FKTN: variants seen among roughly 807,000 people sequenced by gnomAD.
The protein encoded by FKTN is ribitol-5-phosphate transferase FKTN.
In FKTN, 47 loss-of-function variants were observed where a neutral mutation model predicts 58.6. The ratio of observed to expected loss-of-function variants is 0.80; its 90% confidence interval spans 0.63 to 1.02. The LOEUF is 1.02. Among genes scored for constraint, FKTN ranks in the 50% least tolerant of loss-of-function variants. The pLI, the probability that FKTN is intolerant of heterozygous loss-of-function variation, is 0.00. For synonymous variants in FKTN, 178 were observed against 191.9 expected (o/e 0.93, Z 0.60); for missense variants, 516 against 537.3 (o/e 0.96, Z 0.39).
chr9:105,610,448 T>C (rs185005089), intron 7 of FKTN, among the ~76,000 whole-genome samples: 14 of 152,186 alleles, frequency 9.2e-5, no homozygotes, highest in African/African-American at 3.1e-4. Context: ...GACTCCCTTT[T>C]CAAATCGTGA....
At chr9:105,584,943 T>C (rs990092953) in intron 3 of FKTN, among the ~76,000 whole-genome samples, 1 of 152,172 alleles carries the variant, frequency 6.6e-6, no homozygotes, top group South Asian at 2.1e-4. Context: ...AAAGTCACAA[T>C]TTGTAGAGTA....
intron 9 of FKTN, 140 bp downstream of exon 9, chr9:105,618,232 C>G: frequency 1.3e-6 from 1 of 773,468 alleles, no homozygotes; most frequent in Non-Finnish European, 2.2e-6. Context: ...TCAGCAGAAG[C>G]CTGTTACCAC....
intron 9 of FKTN, among the ~76,000 whole-genome samples, chr9:105,619,374 C>T (rs947169578): frequency 3.9e-5 from 6 of 152,172 alleles, no homozygotes; most frequent in Admixed American, 2.6e-4. Flanking sequence ...CCAATGGGAA[C>T]GTAATTATTT....
At chr9:105,590,961 G>C (rs1844762372) in intron 3 of FKTN, among the ~76,000 whole-genome samples, 1 of 152,126 alleles carries the variant, frequency 6.6e-6, no homozygotes, top group Non-Finnish European at 1.5e-5. Context: ...GAGGAAAAGA[G>C]AGAGTGGGGA....
intron 10 of FKTN, among the ~76,000 whole-genome samples, chr9:105,623,991 T>C (rs559492397): frequency 6.6e-6 from 1 of 152,334 alleles, no homozygotes; most frequent in South Asian, 2.1e-4. Flanking sequence ...AAAAATTCTG[T>C]GGGCATCTGT....
intron 7 of FKTN, among the ~76,000 whole-genome samples, chr9:105,614,500 G>C (rs913419120): frequency 3.3e-5 from 5 of 152,140 alleles, no homozygotes; most frequent in Non-Finnish European, 7.4e-5. Context: ...AAGCTAAAAA[G>C]AAGTGCACTA....
chr9:105,604,119 A>G, intron 5 of FKTN, 96 bp from the exon 6 acceptor site: 2 of 1,285,314 alleles, frequency 1.6e-6, no homozygotes, highest in South Asian at 1.2e-5. Context: ...CTCAAGTTCA[A>G]TATAAGAATC....
chr9:105,622,799 GTAT>G (rs1200933227), intron 10 of FKTN, among the ~76,000 whole-genome samples: 8 of 151,952 alleles, frequency 5.3e-5, no homozygotes, highest in Non-Finnish European at 1.2e-4. Flanking sequence ...TGTCAGTACT[GTAT>G]TATTATTATT....
At chr9:105,569,127 C>T (rs967002318) in intron 1 of FKTN, among the ~76,000 whole-genome samples, 9 of 151,882 alleles carry the variant, frequency 5.9e-5, no homozygotes, top group Non-Finnish European at 7.4e-5. Context: ...CATCACACAC[C>T]GGGGCCTGTT....
chr9:105,614,261 A>C (rs1830431068), intron 7 of FKTN, among the ~76,000 whole-genome samples: 1 of 152,180 alleles, frequency 6.6e-6, no homozygotes, highest in Non-Finnish European at 1.5e-5. Context: ...GATATATATG[A>C]CCTGACAATT....
chr9:105,586,981 A>G (rs1173951834), intron 3 of FKTN, among the ~76,000 whole-genome samples: 1 of 152,212 alleles, frequency 6.6e-6, no homozygotes, highest in Non-Finnish European at 1.5e-5. Context: ...TCATACAGCT[A>G]TTCCAACATG....
At chr9:105,632,511 G>A (rs918998183) in intron 10 of FKTN, among the ~76,000 whole-genome samples, 1 of 151,624 alleles carries the variant, frequency 6.6e-6, no homozygotes, top group Non-Finnish European at 1.5e-5. Flanking sequence ...ATCTCTCTGA[G>A]CCTAGTAATA....
rs556005250 is a variant in FKTN at position 105,640,580 on chromosome 9, A to G, written c.*5316A>G. The G allele has an allele frequency of 6.5e-6, 1 of 152,870 alleles. No homozygotes were observed. Among genetic ancestry groups the G allele is most frequent in the Admixed American group, 6.5e-5 (1 of 15,308 alleles). 9.5% of individuals were successfully genotyped at this position (152,870 alleles called of 1,614,324 possible). A position where few individuals can be genotyped will look rare whatever the true frequency, so the allele number is the denominator to read the frequency against. On this transcript the variant is annotated 3_prime_UTR_variant, in exon 11 of 11. Transcript: ENST00000357998. Reference sequence around the variant, plus strand: ...AAAAAAAAAAAAAGGAAAGAAAGAAATCTCTGCTTCCGTACTATCAAAACT... The same window carrying G: ...AAAAAAAAAAAAAGGAAAGAAAGAAGTCTCTGCTTCCGTACTATCAAAACT...
intron 3 of FKTN, among the ~76,000 whole-genome samples, chr9:105,595,949 C>T (rs1358191536): frequency 6.6e-6 from 1 of 152,190 alleles, no homozygotes; most frequent in African/African-American, 2.4e-5. Flanking sequence ...TCTCCTCTTA[C>T]TCTAAAGTAT....
chr9:105,633,803 T>C (rs569528770), intron 10 of FKTN, among the ~76,000 whole-genome samples: 1 of 152,324 alleles, frequency 6.6e-6, no homozygotes, highest in South Asian at 2.1e-4. Context: ...GCAGAATATA[T>C]GAGAACTGAC....
chr9:105,608,078 T>G (rs1488844317), intron 7 of FKTN, 127 bp downstream of exon 7: 12 of 749,164 alleles, frequency 1.6e-5, no homozygotes, highest in Non-Finnish European at 2.7e-5. Context: ...TTGATATGTC[T>G]CTTTTCTTCT....
chr9:105,568,227 C>T (rs1247660285), intron 1 of FKTN, among the ~76,000 whole-genome samples: 3 of 152,140 alleles, frequency 2.0e-5, no homozygotes, highest in Non-Finnish European at 4.4e-5. Context: ...AGGACATAGG[C>T]ATGGGCAAGG....
intron 4 of FKTN, among the ~76,000 whole-genome samples, chr9:105,597,617 G>T (rs1827049075): frequency 6.6e-6 from 1 of 152,056 alleles, no homozygotes; most frequent in Non-Finnish European, 1.5e-5. Flanking sequence ...ATGCTTCTCT[G>T]TAACACTTCT....
At position 105,635,335 on chromosome 9, in the gene FKTN, C is replaced by T. The variant is rs747766931; in HGVS notation, c.*71C>T. 2.8e-4 allele frequency: 446 copies of T among 1,604,684 alleles called. 1 individual carries two copies. Among genetic ancestry groups the T allele is most frequent in the Non-Finnish European group, 3.6e-4 (426 of 1,175,618 alleles). On this transcript the variant is annotated 3_prime_UTR_variant, in exon 11 of 11. Coordinates refer to ENST00000357998, the MANE Select transcript of FKTN (RefSeq NM_001079802.2). The stretch of plus-strand genomic sequence containing the variant: ...AGATAACTGTTTAAAAAATACATGT[C>T]TATTTGTCAAACATAAGTGGGAACC...
Sources: allele counts gnomAD v4.1 joint callset (sites outside exome capture counted in the v4.1 genomes callset), GRCh38; gene constraint gnomAD v4.1.1; transcripts MANE v1.5; gene names NCBI Gene and HGNC (gene_info 2026-07-23, HGNC 2026-07-21).